DHTKD1: variants seen among roughly 807,000 people sequenced by gnomAD.
DHTKD1 encodes the protein dehydrogenase E1 and transketolase domain containing 1, also known as 2-oxoadipate dehydrogenase complex component E1.
A neutral mutation model predicts 101.8 loss-of-function variants in DHTKD1; 78 were observed. The observed-to-expected ratio is 0.77, with a 90% CI of 0.64 to 0.93. The LOEUF (loss-of-function observed/expected upper bound fraction) is 0.93. Among genes scored for constraint, DHTKD1 ranks in the 40% least tolerant of loss-of-function variants. The probability of loss-of-function intolerance (pLI) is 0.00; values close to 1 mark genes in which losing one functional copy is unlikely to be tolerated. For synonymous variants in DHTKD1, 462 were observed against 450.3 expected, an observed-to-expected ratio of 1.03 and a Z score of -0.33; for missense variants, 1,223 against 1,161.7, an observed-to-expected ratio of 1.05 and a Z score of -0.77.
chr10:12,078,004 C>A (rs370581842), intron 1 of DHTKD1, among the ~76,000 whole-genome samples: 1 of 151,878 alleles, frequency 6.6e-6, no homozygotes, highest in Admixed American at 6.6e-5. Context: ...GAGAGGACTT[C>A]CTCTTTCTGC....
chr10:12,083,886 A>G (rs1420364345), intron 2 of DHTKD1, among the ~76,000 whole-genome samples: 1 of 144,572 alleles, frequency 6.9e-6, no homozygotes, highest in Non-Finnish European at 1.5e-5. Context: ...TCTTTAGAAA[A>G]AAATCGAGAT....
intron 2 of DHTKD1, 45 bp from the exon 3 acceptor site, chr10:12,084,494 GA>G: frequency 8.3e-7 from 1 of 1,210,332 alleles, no homozygotes; most frequent in African/African-American, 1.5e-5. Flanking sequence ...TCATGTTAAG[GA>G]ACATGATTAT....
At chr10:12,078,196 G>A (rs1178860300) in intron 1 of DHTKD1, among the ~76,000 whole-genome samples, 4 of 151,884 alleles carry the variant, frequency 2.6e-5, no homozygotes, top group African/African-American at 7.3e-5. Flanking sequence ...AGGCCGAGGC[G>A]GGTGGATCAC....
Position 12,121,001 on chromosome 10 carries a change from C to G in DHTKD1, c.*113C>G, listed in dbSNP as rs1833518756. 2.2e-6 allele frequency: 2 copies of G among 901,588 alleles called. No individual in the cohort carries two copies. The highest frequency in any genetic ancestry group is 3.3e-5 in the African/African-American group (2 of 60,364). The allele number at this position is 901,588 out of a possible 1,614,324, so 55.8% of individuals were successfully genotyped here. On this transcript the variant is annotated 3_prime_UTR_variant, in exon 17 of 17. Transcript: ENST00000263035. ...TTGGGAGGCCAAGGCTGGTGGATCACCTGAGGTCAGGAGTTCGAGACCAGC... is the reference window on the plus strand; with the variant it reads ...TTGGGAGGCCAAGGCTGGTGGATCAGCTGAGGTCAGGAGTTCGAGACCAGC...
chr10:12,073,381 C>T (rs1443260260), intron 1 of DHTKD1, among the ~76,000 whole-genome samples: 9 of 151,766 alleles, frequency 5.9e-5, no homozygotes, highest in Non-Finnish European at 2.9e-5. Context: ...GGGTCTTGCT[C>T]TGTCACCCAG....
At chr10:12,098,239 G>A (rs1430036752) in intron 8 of DHTKD1, among the ~76,000 whole-genome samples, 2 of 151,962 alleles carry the variant, frequency 1.3e-5, no homozygotes, top group Non-Finnish European at 2.9e-5. Flanking sequence ...ACATGTACCT[G>A]GAATACATGC....
chr10:12,098,853 C>T (rs771986371), intron 8 of DHTKD1, among the ~76,000 whole-genome samples: 3 of 152,196 alleles, frequency 2.0e-5, no homozygotes, highest in Middle Eastern at 3.2e-3. Flanking sequence ...GTGTGAGCCA[C>T]CATGCCTAAC....
Position 12,120,643 on chromosome 10 carries a change from A to C in DHTKD1, c.2659-144A>C. 4.0e-6 allele frequency: 3 copies of C among 741,306 alleles called. No individual in the cohort carries two copies. The South Asian group carries it at 4.9e-5, about 12-fold the overall frequency. The allele number at this position is 741,306 out of a possible 1,614,324, so 45.9% of individuals were successfully genotyped here. ...TGAGGCACGGAGCCCTGTCCCTCTA[A>C]TCTCTTCTGCGTAACTCATTATTTG... On this transcript the variant is annotated intron_variant, in intron 16 of 16. Transcript: ENST00000263035.
chr10:12,095,363 G>A (rs1321346382), intron 7 of DHTKD1, among the ~76,000 whole-genome samples: 1 of 152,182 alleles, frequency 6.6e-6, no homozygotes, highest in African/African-American at 2.4e-5. Context: ...AATATAATGA[G>A]TATATTGACT....
Position 12,119,775 on chromosome 10 carries a change from T to C in DHTKD1, c.2573-407T>C, listed in dbSNP as rs992209450. ...GAGGAGCAAACCTCCGTGGCACACA[T>C]TTACCTGCATAACAAACCTGCACAT... On this transcript the variant is annotated intron_variant, in intron 15 of 16. Transcript: ENST00000263035. Among the ~76,000 whole-genome samples, 8 of 152,078 alleles carry C rather than the reference T, an allele frequency of 5.3e-5. No individual in the cohort carries two copies. The East Asian group carries it at 5.8e-4, about 11-fold the overall frequency.
intron 2 of DHTKD1, among the ~76,000 whole-genome samples, chr10:12,082,872 C>T (rs1178763944): frequency 1.3e-5 from 2 of 151,886 alleles, no homozygotes; most frequent in Non-Finnish European, 2.9e-5. Context: ...TGCGGTGGCT[C>T]ATGCTGGTAA....
intron 1 of DHTKD1, among the ~76,000 whole-genome samples, chr10:12,077,308 A>T (rs1182723139): frequency 6.6e-6 from 1 of 151,744 alleles, no homozygotes; most frequent in Non-Finnish European, 1.5e-5. Context: ...GATCACTGCA[A>T]CCTCTGCCTC....
chr10:12,075,900 G>A (rs181110998), intron 1 of DHTKD1, among the ~76,000 whole-genome samples: 1 of 142,176 alleles, frequency 7.0e-6, no homozygotes, highest in African/African-American at 2.6e-5. Flanking sequence ...TACTTCTTTT[G>A]TTTTTTCTTT....
chr10:12,119,815 C>A (rs1488404633), intron 15 of DHTKD1, among the ~76,000 whole-genome samples: 1 of 151,890 alleles, frequency 6.6e-6, no homozygotes, highest in Non-Finnish European at 1.5e-5. Context: ...CATGTGTACC[C>A]CAGAACTTAA....
rs960768677 is a variant in DHTKD1, at chr10:12,110,171, A to C, written c.2154+2156A>C. The stretch of plus-strand genomic sequence containing the variant: ...AAATTAGCCGGGCACGGTGGCAGGC[A>C]CCTGTAGTCCCAGCTACTTGGGAGG... On this transcript the variant is annotated intron_variant, in intron 12 of 16. Coordinates refer to ENST00000263035, the MANE Select transcript of DHTKD1 (RefSeq NM_018706.7). The surrounding 1 kb of genome is among the most constrained non-coding windows in gnomAD (Gnocchi z 4.9). Among the ~76,000 whole-genome samples the C allele has an allele frequency of 1.3e-5, 2 of 152,104 alleles. No homozygotes were observed. Among genetic ancestry groups the C allele is most frequent in the African/African-American group, 4.8e-5 (2 of 41,424 alleles).
At chr10:12,084,341 T>A (rs953138962) in intron 2 of DHTKD1, among the ~76,000 whole-genome samples, 199 bp from the exon 3 acceptor site, 1 of 151,824 alleles carries the variant, frequency 6.6e-6, no homozygotes, top group Non-Finnish European at 1.5e-5. Context: ...AATATGAAAA[T>A]TTATTTTGCA....
At chr10:12,105,598 C>T (rs186718937) in intron 10 of DHTKD1, among the ~76,000 whole-genome samples, 275 of 152,242 alleles carry the variant, frequency 1.8e-3, no homozygotes, top group African/African-American at 6.2e-3. Flanking sequence ...GAGGCCACCA[C>T]GCCCGGCCAC....
At position 12,107,754 on chromosome 10, in the gene DHTKD1, C is replaced by T. The variant is rs1045368927; in HGVS notation, c.2048-155C>T. Among the ~76,000 whole-genome samples, 1 of 152,116 alleles carries T rather than the reference C, an allele frequency of 6.6e-6. No homozygotes were observed. The highest frequency in any genetic ancestry group is 2.4e-5 in the African/African-American group (1 of 41,436). ...TTCATTCAATGAAATGGACATTTCC[C>T]TAAGTATAGCATAACAGTTCTAGAA... On this transcript the variant is annotated intron_variant, in intron 11 of 16. Coordinates refer to ENST00000263035, the MANE Select transcript of DHTKD1 (RefSeq NM_018706.7). The surrounding 1 kb of genome is among the most constrained non-coding windows in gnomAD (Gnocchi z 4.1).
Position 12,108,167 on chromosome 10 carries a change from C to T in DHTKD1, c.2154+152C>T, listed in dbSNP as rs868342134. The T allele has an allele frequency of 1.1e-4, 62 of 583,236 alleles. 1 individual carries two copies. Among genetic ancestry groups the T allele is most frequent in the Middle Eastern group, 6.6e-4 (2 of 3,014 alleles). 36.1% of individuals were successfully genotyped at this position (583,236 alleles called of 1,614,324 possible). A position where few individuals can be genotyped will look rare whatever the true frequency, so the allele number is the denominator to read the frequency against. ...ATGCAATGTCAATTTTCTTTGGAAA[C>T]GTAATGCCTCAGGTATAATTGTATC... On this transcript the variant is annotated intron_variant, in intron 12 of 16. Transcript: ENST00000263035.
Sources: allele counts gnomAD v4.1 joint callset (sites outside exome capture counted in the v4.1 genomes callset), GRCh38; gene constraint gnomAD v4.1.1; non-coding constraint Gnocchi (gnomAD v3.1); transcripts MANE v1.5; gene names NCBI Gene and HGNC (gene_info 2026-07-23, HGNC 2026-07-21).